PES1: variants seen among roughly 807,000 people sequenced by gnomAD.
PES1 encodes pescadillo ribosomal biogenesis factor 1, also known as pescadillo homolog.
Under a neutral mutation model 77.1 loss-of-function variants are expected in PES1, and 31 were observed. The ratio of observed to expected loss-of-function variants is 0.40; its 90% CI spans 0.30 to 0.54. The LOEUF is 0.54. Ranked by LOEUF, PES1 falls within the 20% of genes least tolerant of loss-of-function variation. PES1 has a pLI of 0.45. For synonymous variants in PES1, 282 were observed against 303.0 expected (o/e 0.93, Z 0.72); for missense variants, 658 against 771.7 (o/e 0.85, Z 1.75).
intron 2 of PES1, among the ~76,000 whole-genome samples, chr22:30,605,222 A>G (rs1336266489): frequency 6.6e-6 from 1 of 152,112 alleles, no homozygotes; most frequent in Non-Finnish European, 1.5e-5. Context: ...ACTGGTCTCA[A>G]ACTTGTGGGC....
chr22:30,580,837 C>G, intron 9 of PES1, 136 bp from the exon 10 acceptor site: 1 of 1,365,988 alleles, frequency 7.3e-7, no homozygotes, highest in Non-Finnish European at 1.0e-6. Flanking sequence ...CAAGGCCCCA[C>G]TCCTGAGCTC....
Position 30,579,778 on chromosome 22 carries a change from G to GCAGCTT in PES1, c.1321_1326dup (p.Lys441_Leu442dup). On this transcript the variant is annotated inframe_insertion, in exon 12 of 15. Transcript: ENST00000354694. ...GGGTCCTCTCCCCGCTGCAGAGCCA[G>GCAGCTT]CAGCTTCAGCTTCTCAGGTGGAACG... 1 of 1,614,004 alleles carries GCAGCTT rather than the reference G, an allele frequency of 6.2e-7. No homozygotes were observed. Among genetic ancestry groups the GCAGCTT allele is most frequent in the Non-Finnish European group, 8.5e-7 (1 of 1,180,032 alleles).
chr22:30,587,747 C>A (rs13055082), intron 3 of PES1, among the ~76,000 whole-genome samples: 1,730 of 152,342 alleles, frequency 0.011, 6 homozygotes, highest in Admixed American at 0.018. Flanking sequence ...GAAAGGCTGG[C>A]CTCCATTGCC....
chr22:30,598,959 C>T (rs1028568592), intron 2 of PES1, among the ~76,000 whole-genome samples: 10 of 108,562 alleles, frequency 9.2e-5, no homozygotes, highest in African/African-American at 2.6e-4. Flanking sequence ...TGCAGTGGTG[C>T]GATCTTGGCT....
At chr22:30,587,218 C>A in intron 4 of PES1, 68 bp downstream of exon 4, 1 of 1,136,468 alleles carries the variant, frequency 8.8e-7, no homozygotes, top group Non-Finnish European at 1.3e-6. Context: ...CTATTGTATC[C>A]CTGGTGCTAG....
Position 30,580,108 on chromosome 22 carries a change from G to A in PES1, c.1114C>T (p.Arg372Cys), listed in dbSNP as rs763142101. 3.4e-5 allele frequency: 55 copies of A among 1,613,992 alleles called. 1 individual carries two copies. The South Asian group carries it at 4.0e-4, about 12-fold the overall frequency. The part of the protein sequence containing the change: ...IGATYDVTDS[R>C]ITHQIVDRPG... ...CGGTCGACAATCTGATGGGTGATGCGGGAGTCTGTGACGTCATAGGTGGCC... is the reference window on the plus strand; with the variant it reads ...CGGTCGACAATCTGATGGGTGATGCAGGAGTCTGTGACGTCATAGGTGGCC... Residue 372 changes from arginine to cysteine, a missense_variant, in exon 11 of 15, where the codon CGC (arginine) becomes TGC (cysteine). Coordinates refer to ENST00000354694, the MANE Select transcript of PES1 (RefSeq NM_014303.4).
Position 30,591,874 on chromosome 22 carries a change from G to C in PES1, c.-41C>G, listed in dbSNP as rs737953. ...AGCCGACTAGGGCCGCGCGTACAGG[G>C]AGCTCCACTTCCTCCCGCACGTGCC... On this transcript the variant is annotated 5_prime_UTR_variant, in exon 1 of 15. Coordinates refer to ENST00000354694, the MANE Select transcript of PES1 (RefSeq NM_014303.4). The C allele has an allele frequency of 0.59, 908,325 of 1,541,828 alleles. 271,310 individuals carry two copies. The highest frequency in any genetic ancestry group is 0.66 in the Middle Eastern group (3,962 of 5,978).
intron 6 of PES1, among the ~76,000 whole-genome samples, chr22:30,583,825 C>T (rs886125931): frequency 6.6e-6 from 1 of 152,270 alleles, no homozygotes; most frequent in Non-Finnish European, 1.5e-5. Context: ...TTCTCCTGTG[C>T]TCACCGTTCC....
intron 1 of PES1, 105 bp downstream of exon 1, chr22:30,591,705 G>C: frequency 7.6e-7 from 1 of 1,307,632 alleles, no homozygotes; most frequent in Admixed American, 2.3e-5. Flanking sequence ...CGTCGATCCC[G>C]TCTTTCCAGT....
intron 1 of PES1, chr22:30,606,754 C>T: frequency 2.4e-6 from 2 of 834,508 alleles, no homozygotes; most frequent in Non-Finnish European, 2.9e-6. Flanking sequence ...TCCCCTCCCG[C>T]CACAACTGAG....
intron 10 of PES1, 140 bp from the exon 11 acceptor site, chr22:30,580,318 C>A (rs980765968): frequency 8.7e-6 from 10 of 1,151,868 alleles, no homozygotes; most frequent in Non-Finnish European, 1.1e-5. Context: ...ACCCCAGGAT[C>A]CTTCAATCCT....
chr22:30,591,370 C>T (rs972448644), intron 1 of PES1, among the ~76,000 whole-genome samples: 2 of 152,214 alleles, frequency 1.3e-5, no homozygotes, highest in Non-Finnish European at 2.9e-5. Flanking sequence ...TAAGCACTCC[C>T]ATGCCCCAGA....
intron 2 of PES1, among the ~76,000 whole-genome samples, chr22:30,601,598 G>A (rs948874699): frequency 3.3e-5 from 5 of 151,630 alleles, no homozygotes; most frequent in African/African-American, 1.2e-4. Context: ...ACAGGCGTAA[G>A]CCACTGCGCC....
intron 1 of PES1, 123 bp downstream of exon 1, chr22:30,591,687 T>A: frequency 8.9e-7 from 1 of 1,120,636 alleles, no homozygotes; most frequent in South Asian, 1.5e-5. Flanking sequence ...CGCAGCTGAT[T>A]ACGGTCACGT....
At position 30,591,825 on chromosome 22, in the gene PES1, G is replaced by T; in HGVS notation, c.9C>A (p.Gly3=). MG[G]LEKKKYERGS... ...TCCCAATCACCTTCTTCTTCTCAAG[G>T]CCTCCCATCGCTCCACGTTGAGGAG... The change falls in exon 1 of 15, where the codon GGC becomes GGA. Residue 3 remains glycine (G), a synonymous_variant. Transcript: ENST00000354694. 6.4e-7 allele frequency: 1 copy of T among 1,563,146 alleles called. No individual in the cohort carries two copies.
chr22:30,592,908 A>G (rs995248285), upstream of PES1, among the ~76,000 whole-genome samples: 4 of 152,246 alleles, frequency 2.6e-5, no homozygotes, highest in Admixed American at 2.0e-4. Context: ...GATTTATACA[A>G]ATAGTCACAT....
upstream of PES1, among the ~76,000 whole-genome samples, chr22:30,592,711 C>T (rs2087201450): frequency 6.6e-6 from 1 of 152,178 alleles, no homozygotes; most frequent in Non-Finnish European, 1.5e-5. Context: ...GCAGGAGAAT[C>T]GCTTGAACCT....
rs2086906027 is a variant in PES1 at position 30,576,825 on chromosome 22, G to GGA, written c.*220_*221insTC. On this transcript the variant is annotated 3_prime_UTR_variant, in exon 15 of 15. Transcript: ENST00000354694. ...TCCTGGGAGCAGAGAATCAGGCTGG[G>GGA]CACAGAGGCCTCTTCTCTGACCAGG... The GGA allele has an allele frequency of 1.7e-6, 1 of 576,806 alleles. No individual in the cohort carries two copies. 35.7% of individuals were successfully genotyped at this position (576,806 alleles called of 1,614,324 possible). A position where few individuals can be genotyped will look rare whatever the true frequency, so the allele number is the denominator to read the frequency against.
At chr22:30,587,867 C>T (rs527337362) in intron 3 of PES1, among the ~76,000 whole-genome samples, 154 bp downstream of exon 3, 2 of 152,224 alleles carry the variant, frequency 1.3e-5, no homozygotes, top group Non-Finnish European at 2.9e-5. Context: ...CCAAACTAAC[C>T]GACCTCTTCC....
Sources: gnomAD v4.1 joint callset for allele counts (sites outside exome capture counted in the v4.1 genomes callset) on GRCh38, gnomAD v4.1.1 for gene constraint, MANE v1.5 for transcripts, NCBI Gene and HGNC (gene_info 2026-07-23, HGNC 2026-07-21) for gene names.